JPH2: variants seen among roughly 807,000 people sequenced by gnomAD.
JPH2 encodes junctophilin 2.
Under a neutral mutation model 55.9 loss-of-function variants are expected in JPH2, and 38 were observed. The observed-to-expected ratio is 0.68, with a 90% CI of 0.52 to 0.89. The LOEUF (loss-of-function observed/expected upper bound fraction) is 0.89. JPH2 is among the 40% of genes least tolerant of loss of function. JPH2 has a pLI of 0.00. For synonymous variants in JPH2, 480 were observed against 472.4 expected (o/e 1.02, Z -0.21); for missense variants, 964 against 1,037.6 (o/e 0.93, Z 0.97).
At chr20:44,170,441 T>A (rs1569216284) in intron 1 of JPH2, among the ~76,000 whole-genome samples, 1 of 152,238 alleles carries the variant, frequency 6.6e-6, no homozygotes, top group Admixed American at 6.5e-5. Context: ...AGAAGTGTCA[T>A]CAACAAATTT....
At chr20:44,143,230 A>T (rs2072470426) in intron 2 of JPH2, among the ~76,000 whole-genome samples, 1 of 152,176 alleles carries the variant, frequency 6.6e-6, no homozygotes, top group Admixed American at 6.5e-5. Context: ...GGAACCAGAC[A>T]GGAAGGGACT....
chr20:44,138,675 C>T (rs768024153), intron 2 of JPH2, among the ~76,000 whole-genome samples: 17 of 152,128 alleles, frequency 1.1e-4, no homozygotes, highest in Non-Finnish European at 2.4e-4. Flanking sequence ...TGAGCCACTG[C>T]ACCTGGCCAA....
intron 2 of JPH2, among the ~76,000 whole-genome samples, chr20:44,136,974 G>T (rs1258599176): frequency 6.6e-6 from 1 of 152,156 alleles, no homozygotes; most frequent in East Asian, 1.9e-4. Context: ...TTCTGAATGT[G>T]CATATAGTAT....
intron 1 of JPH2, among the ~76,000 whole-genome samples, chr20:44,165,023 A>C (rs2072646168): frequency 6.6e-6 from 1 of 151,918 alleles, no homozygotes; most frequent in Non-Finnish European, 1.5e-5. Context: ...TTTTTAGTAG[A>C]GATGGGGTTT....
rs77735502 is a variant in JPH2 at position 44,118,370 on chromosome 20, T to C, written c.1288+135A>G. On this transcript the variant is annotated intron_variant, in intron 3 of 5. Transcript: ENST00000372980. Reference sequence around the variant, plus strand: ...ACCCCTGCATCATCCCATCCCACATTTGCACCATGCCCCAGTTTCTGAGAC... The same window carrying C: ...ACCCCTGCATCATCCCATCCCACATCTGCACCATGCCCCAGTTTCTGAGAC... 4.7e-3 allele frequency: 3,656 copies of C among 784,008 alleles called. 27 individuals are homozygous for C. Among genetic ancestry groups the C allele is most frequent in the Middle Eastern group, 0.012 (34 of 2,866 alleles). The allele number at this position is 784,008 out of a possible 1,614,324, so 48.6% of individuals were successfully genotyped here. A position where few individuals can be genotyped will look rare whatever the true frequency, so the allele number is the denominator to read the frequency against.
In JPH2 at chr20:44,109,470, G is replaced by C. The variant is rs987245211; in HGVS notation, c.*4048C>G. Among the ~76,000 whole-genome samples, 2 of 152,188 alleles carry C rather than the reference G, an allele frequency of 1.3e-5. No homozygotes were observed. Among genetic ancestry groups the C allele is most frequent in the African/African-American group, 4.8e-5 (2 of 41,436 alleles). On this transcript the variant is annotated 3_prime_UTR_variant, in exon 6 of 6. Transcript: ENST00000372980. The stretch of plus-strand genomic sequence containing the variant: ...AGATTTGAACCAGCAACCATGTTCT[G>C]AACCACACAGCTGTTCTGCCACCAC...
intron 1 of JPH2, among the ~76,000 whole-genome samples, chr20:44,175,967 T>C (rs773232461): frequency 6.6e-6 from 1 of 152,184 alleles, no homozygotes; most frequent in African/African-American, 2.4e-5. Flanking sequence ...CTCTCACCCA[T>C]GGTGTCCAGT....
chr20:44,131,489 C>G (rs1292711736), intron 2 of JPH2, among the ~76,000 whole-genome samples: 1 of 152,056 alleles, frequency 6.6e-6, no homozygotes, highest in Non-Finnish European at 1.5e-5. Context: ...TATGTGGGGA[C>G]AATTTGTTAT....
rs368572365 is a variant in JPH2, at chr20:44,186,804, C to T, written c.-99G>A. On this transcript the variant is annotated 5_prime_UTR_variant, in exon 1 of 6. Transcript: ENST00000372980. Reference sequence around the variant, plus strand: ...CCTCCAGTGCCCTCGGGGGCAGGCCCCCAGACTCACCACTGCACCCCAGGA... The same window carrying T: ...CCTCCAGTGCCCTCGGGGGCAGGCCTCCAGACTCACCACTGCACCCCAGGA... 397 of 1,204,428 alleles carry T rather than the reference C, an allele frequency of 3.3e-4. 1 individual carries two copies. The East Asian group carries it at 6.3e-3, about 19-fold the overall frequency. 74.6% of individuals were successfully genotyped at this position (1,204,428 alleles called of 1,614,324 possible). A position where few individuals can be genotyped will look rare whatever the true frequency, so the allele number is the denominator to read the frequency against.
intron 1 of JPH2, among the ~76,000 whole-genome samples, chr20:44,165,700 G>A (rs1384496475): frequency 2.6e-5 from 4 of 151,990 alleles, no homozygotes; most frequent in South Asian, 2.1e-4. Flanking sequence ...CTCTAGCCAC[G>A]AAGACTGCTT....
intron 2 of JPH2, among the ~76,000 whole-genome samples, chr20:44,145,794 A>G (rs778966165): frequency 4.6e-5 from 7 of 152,016 alleles, no homozygotes; most frequent in Non-Finnish European, 7.4e-5. Flanking sequence ...CCTTCCAGCC[A>G]CACTCCTCTC....
rs138080218 is a variant in JPH2, at chr20:44,179,517, C to T, written c.379+6810G>A. Among the ~76,000 whole-genome samples the T allele has an allele frequency of 5.9e-4, 90 of 152,180 alleles. 1 individual carries two copies. Among genetic ancestry groups the T allele is most frequent in the African/African-American group, 2.0e-3 (85 of 41,518 alleles). On this transcript the variant is annotated intron_variant, in intron 1 of 5. Coordinates refer to ENST00000372980, the MANE Select transcript of JPH2 (RefSeq NM_020433.5). ...ATAGTAAAGGCATATTAACTAGTAG[C>T]CAGGCACAGTTATTACTATTGTCAA...
intron 2 of JPH2, among the ~76,000 whole-genome samples, chr20:44,139,204 G>A (rs1292890256): frequency 2.0e-5 from 3 of 152,214 alleles, no homozygotes; most frequent in East Asian, 1.9e-4. Flanking sequence ...GAGAACCACA[G>A]AGGGGCAGGG....
intron 1 of JPH2, among the ~76,000 whole-genome samples, chr20:44,181,362 CAT>C (rs1323948538): frequency 6.6e-6 from 1 of 152,182 alleles, no homozygotes; most frequent in Non-Finnish European, 1.5e-5. Flanking sequence ...TGTGTGTGTG[CAT>C]ATATATGTGT....
intron 2 of JPH2, among the ~76,000 whole-genome samples, chr20:44,119,205 T>TC (rs1275854702): frequency 6.6e-6 from 1 of 152,168 alleles, no homozygotes; most frequent in Non-Finnish European, 1.5e-5. Context: ...AAACAAAATA[T>TC]CAGGTCTGTT....
intron 4 of JPH2, among the ~76,000 whole-genome samples, chr20:44,115,185 C>T (rs7267523): frequency 0.12 from 18,258 of 152,134 alleles, 1,535 homozygotes; most frequent in African/African-American, 0.25. Flanking sequence ...CTTCAGTCCC[C>T]CAAAGCCCAG....
chr20:44,123,854 G>A (rs541873410), intron 2 of JPH2, among the ~76,000 whole-genome samples: 10 of 152,320 alleles, frequency 6.6e-5, no homozygotes, highest in African/African-American at 1.9e-4. Flanking sequence ...CCATCTTGAA[G>A]TTGTTCCCAG....
At chr20:44,124,964 C>G (rs1418387449) in intron 2 of JPH2, among the ~76,000 whole-genome samples, 2 of 149,276 alleles carry the variant, frequency 1.3e-5, no homozygotes, top group Non-Finnish European at 3.0e-5. Flanking sequence ...CAAAAATCAG[C>G]TGGGCACGGT....
intron 1 of JPH2, among the ~76,000 whole-genome samples, chr20:44,166,176 A>C (rs2145884785): frequency 6.6e-6 from 1 of 152,300 alleles, no homozygotes; most frequent in South Asian, 2.1e-4. Context: ...CCATCTGCAA[A>C]CAGCTCTGTG....
Sources: allele counts gnomAD v4.1 joint callset (sites outside exome capture counted in the v4.1 genomes callset), GRCh38; gene constraint gnomAD v4.1.1; transcripts MANE v1.5; gene names NCBI Gene and HGNC (gene_info 2026-07-23, HGNC 2026-07-21).